The following ARID1B variants were observed in gnomAD, a reference collection of about 807,000 sequenced individuals.
ARID1B encodes the protein AT-rich interactive domain-containing protein 1B.
A neutral mutation model predicts 212.3 loss-of-function variants in ARID1B; 30 were observed. That is an observed-to-expected ratio of 0.14 (90% CI 0.11 to 0.19). The LOEUF is 0.19. Ranked by LOEUF, ARID1B falls within the 10% of genes least tolerant of loss-of-function variation. The pLI is 1.00. For synonymous variants in ARID1B, 1,402 were observed against 1,301.7 expected (o/e 1.08, Z -1.66); for missense variants, 2,891 against 3,204.0 (o/e 0.90, Z 2.36).
At chr6:156,832,299 GA>G (rs1783196774) in intron 2 of ARID1B, among the ~76,000 whole-genome samples, 2 of 152,244 alleles carry the variant, frequency 1.3e-5, no homozygotes, top group Non-Finnish European at 2.9e-5. Context: ...CTGGCACTGT[GA>G]TTGGCTGCTG....
chr6:157,032,596 A>G (rs934098993), intron 4 of ARID1B, among the ~76,000 whole-genome samples: 30 of 152,204 alleles, frequency 2.0e-4, no homozygotes, highest in Non-Finnish European at 4.0e-4. Context: ...CTGGACCACT[A>G]TATTTTTAAT....
rs1788960974 is a variant in ARID1B at position 156,901,714 on chromosome 6, G to A, written c.2136+189G>A. 5.2e-6 allele frequency: 4 copies of A among 765,058 alleles called. No individual in the cohort carries two copies. In the Admixed American group the frequency reaches 1.3e-4, roughly 24 times the overall value. The allele number at this position is 765,058 out of a possible 1,614,324, so 47.4% of individuals were successfully genotyped here. On this transcript the variant is annotated intron_variant, in intron 3 of 19. Transcript: ENST00000636930. Reference sequence around the variant, plus strand: ...CGTCTTTTCCCCTTTTGAGATTGGAGGGTGAGAAGAATGACTGGTTTAATA... The same window carrying A: ...CGTCTTTTCCCCTTTTGAGATTGGAAGGTGAGAAGAATGACTGGTTTAATA...
chr6:156,926,192 G>T (rs1462407501), intron 3 of ARID1B, among the ~76,000 whole-genome samples: 1 of 152,174 alleles, frequency 6.6e-6, no homozygotes, highest in African/African-American at 2.4e-5. Context: ...GAGATCAAAA[G>T]ATTGAACAAG....
chr6:156,793,249 C>G (rs1414994192), intron 1 of ARID1B, among the ~76,000 whole-genome samples: 1 of 152,158 alleles, frequency 6.6e-6, no homozygotes, highest in Non-Finnish European at 1.5e-5. Flanking sequence ...GAGAGTGGTC[C>G]TCCTGGTGCA....
At chr6:156,872,960 T>G (rs1436234739) in intron 2 of ARID1B, among the ~76,000 whole-genome samples, 3 of 152,192 alleles carry the variant, frequency 2.0e-5, no homozygotes, top group Non-Finnish European at 4.4e-5. Context: ...CTGAGGCTAC[T>G]CCGTGTGCTG....
At chr6:157,076,578 G>A (rs1453859244) in intron 4 of ARID1B, among the ~76,000 whole-genome samples, 2 of 141,920 alleles carry the variant, frequency 1.4e-5, no homozygotes, top group Non-Finnish European at 3.2e-5. Context: ...GAGATTCTGT[G>A]TGCTAAGCAT....
chr6:157,056,092 C>T (rs1024678808), intron 4 of ARID1B, among the ~76,000 whole-genome samples: 2 of 152,144 alleles, frequency 1.3e-5, no homozygotes, highest in South Asian at 4.1e-4. Context: ...CCCTTCTACC[C>T]TATAAAGTGA....
intron 2 of ARID1B, among the ~76,000 whole-genome samples, chr6:156,856,294 C>A (rs1784926445): frequency 6.6e-6 from 1 of 152,124 alleles, no homozygotes; most frequent in African/African-American, 2.4e-5. Context: ...TATGTGGTGA[C>A]CATATAGCCT....
At chr6:156,932,131 TAAAAA>T (rs372027661) in intron 3 of ARID1B, among the ~76,000 whole-genome samples, 3 of 45,762 alleles carry the variant, frequency 6.6e-5, no homozygotes, top group Non-Finnish European at 1.3e-4. Flanking sequence ...CCTTGTTTCT[TAAAAA>T]AAAAAAAAAG....
intron 4 of ARID1B, chr6:156,943,294 C>T (rs1313806096): frequency 6.6e-6 from 1 of 152,044 alleles, no homozygotes; most frequent in African/African-American, 2.4e-5. Flanking sequence ...AATAACACTC[C>T]CACCCCCTAG....
rs1778733595 is a variant in ARID1B at position 156,777,836 on chromosome 6, G to T, written c.156G>T (p.Ala52=). Reference sequence around the variant, plus strand: ...CGCGCGGCGCGGCGGCGGCGGCGGCGGCACCGGGACCCATGCTGGGGGGCG... The same window carrying T: ...CGCGCGGCGCGGCGGCGGCGGCGGCTGCACCGGGACCCATGCTGGGGGGCG... ...AGARGAAAAA[A]APGPMLGGGG... is the part of the protein sequence containing the mutation. The change falls in exon 1 of 20, where the codon GCG becomes GCT. Residue 52 remains alanine, a synonymous_variant. Coordinates refer to ENST00000636930, the MANE Select transcript of ARID1B (RefSeq NM_001374828.1). 4 of 1,156,720 alleles carry T rather than the reference G, an allele frequency of 3.5e-6. No individual in the cohort carries two copies. Among genetic ancestry groups the T allele is most frequent in the Non-Finnish European group, 3.2e-6 (3 of 938,592 alleles). 71.7% of individuals were successfully genotyped at this position (1,156,720 alleles called of 1,614,324 possible). A position where few individuals can be genotyped will look rare whatever the true frequency, so the allele number is the denominator to read the frequency against.
At chr6:157,186,385 CAGG>C (rs1413067903) in intron 13 of ARID1B, 4 of 469,782 alleles carry the variant, frequency 8.5e-6, no homozygotes, top group African/African-American at 6.0e-5. Flanking sequence ...GCCTGTGACA[CAGG>C]AGGCAGTGGA....
intron 13 of ARID1B, 113 bp downstream of exon 13, chr6:157,184,548 G>C (rs1265790227): frequency 2.5e-6 from 3 of 1,216,652 alleles, no homozygotes; most frequent in African/African-American, 1.5e-5. Flanking sequence ...ACTTTTGAGA[G>C]GTGGGGGGTT....
Position 157,190,177 on chromosome 6 carries a change from C to G in ARID1B, c.4198C>G (p.Pro1400Ala). The G allele has an allele frequency of 6.2e-7, 1 of 1,613,826 alleles. No homozygotes were observed. The highest frequency in any genetic ancestry group is 1.1e-5 in the South Asian group (1 of 91,060). Residue 1400 changes from proline to alanine, a missense_variant, in exon 15 of 20, where the codon CCC (proline) becomes GCC (alanine). Coordinates refer to ENST00000636930, the MANE Select transcript of ARID1B (RefSeq NM_001374828.1). The surrounding 1 kb of genome is among the most constrained non-coding windows in gnomAD (Gnocchi z 4.6). ...PDVMGRMPYE[P>A]NKDPFGGMRK... ...TGTGATGGGCAGGATGCCCTATGAG[C>G]CCAACAAGGACCCCTTTGGGGGAAT... is the stretch of plus-strand genomic sequence containing the variant.
intron 3 of ARID1B, among the ~76,000 whole-genome samples, chr6:156,911,801 G>T (rs1789913603): frequency 6.6e-6 from 1 of 152,154 alleles, no homozygotes; most frequent in Non-Finnish European, 1.5e-5. Flanking sequence ...TGCAAACGAG[G>T]CTGCTACAGA....
intron 12 of ARID1B, among the ~76,000 whole-genome samples, chr6:157,183,912 A>G (rs1284120367): frequency 1.3e-5 from 2 of 152,216 alleles, no homozygotes; most frequent in East Asian, 3.8e-4. Flanking sequence ...CTTGGAAAAT[A>G]GTGCCGTTGT....
At chr6:156,945,049 A>C (rs1049810066) in intron 4 of ARID1B, among the ~76,000 whole-genome samples, 2 of 145,730 alleles carry the variant, frequency 1.4e-5, no homozygotes, top group African/African-American at 5.1e-5. Context: ...CAGCCTCCCG[A>C]GTAGCTGGGA....
intron 2 of ARID1B, among the ~76,000 whole-genome samples, chr6:156,887,625 T>G (rs900329058): frequency 6.6e-6 from 1 of 152,140 alleles, no homozygotes; most frequent in Non-Finnish European, 1.5e-5. Flanking sequence ...AAAAATCATT[T>G]TGAGGAGGGC....
At chr6:156,931,691 G>A (rs184676084) in intron 3 of ARID1B, among the ~76,000 whole-genome samples, 21 of 152,074 alleles carry the variant, frequency 1.4e-4, no homozygotes, top group Admixed American at 5.9e-4. Flanking sequence ...GGCCGGGCAC[G>A]GTGGCTCACG....
Sources: gnomAD v4.1 joint callset for allele counts (sites outside exome capture counted in the v4.1 genomes callset) on GRCh38, gnomAD v4.1.1 for gene constraint, Gnocchi (gnomAD v3.1) non-coding constraint, MANE v1.5 for transcripts, NCBI Gene and HGNC (gene_info 2026-07-23, HGNC 2026-07-21) for gene names.